The following TEX14 variants were observed in gnomAD, a reference collection of about 807,000 sequenced individuals.
TEX14 encodes testis expressed 14, intercellular bridge forming factor.
In TEX14, 168 loss-of-function variants were observed where a neutral mutation model predicts 178.6. The ratio of observed to expected loss-of-function variants is 0.94; its 90% CI spans 0.83 to 1.07. The LOEUF is 1.07. TEX14 is among the 50% of genes least tolerant of loss of function. The pLI, the probability that TEX14 is intolerant of heterozygous loss-of-function variation, is 0.00. For synonymous variants in TEX14, 626 were observed against 634.1 expected (o/e 0.99, Z 0.19); for missense variants, 1,730 against 1,753.6 (o/e 0.99, Z 0.24).
intron 1 of TEX14, among the ~76,000 whole-genome samples, chr17:58,666,250 A>C (rs1309959472): frequency 6.6e-6 from 1 of 151,912 alleles, no homozygotes; most frequent in Non-Finnish European, 1.5e-5. Context: ...AGGGAAGCTG[A>C]GACACGAGAA....
chr17:58,638,188 T>C (rs1185377234), intron 2 of TEX14, among the ~76,000 whole-genome samples: 1 of 152,116 alleles, frequency 6.6e-6, no homozygotes. Context: ...AGGTATTTTA[T>C]CAAAGCATTG....
intron 2 of TEX14, among the ~76,000 whole-genome samples, chr17:58,649,461 C>T (rs139328974): frequency 6.6e-5 from 10 of 152,212 alleles, no homozygotes; most frequent in African/African-American, 2.2e-4. Context: ...GAGAATTTAT[C>T]GCCCCTTATT....
intron 15 of TEX14, among the ~76,000 whole-genome samples, chr17:58,593,266 A>G (rs2045200961): frequency 6.6e-6 from 1 of 152,192 alleles, no homozygotes; most frequent in Non-Finnish European, 1.5e-5. Flanking sequence ...GTTTGTTTTT[A>G]TAAGAAAAAC....
chr17:58,598,826 T>C (rs2045356238), intron 14 of TEX14, 50 bp downstream of exon 14: 16 of 1,494,186 alleles, frequency 1.1e-5, no homozygotes, highest in Non-Finnish European at 1.3e-5. Flanking sequence ...GCCACAACCA[T>C]TTCTTTTCCT....
chr17:58,646,245 G>A (rs1387119203), intron 2 of TEX14, among the ~76,000 whole-genome samples: 1 of 152,094 alleles, frequency 6.6e-6, no homozygotes, highest in Non-Finnish European at 1.5e-5. Flanking sequence ...CACAAAAGAA[G>A]GCAGGAAAGA....
intron 1 of TEX14, among the ~76,000 whole-genome samples, chr17:58,682,670 G>A (rs749160577): frequency 2.0e-4 from 30 of 152,128 alleles, no homozygotes; most frequent in African/African-American, 2.7e-4. Flanking sequence ...CACCATGCCC[G>A]GCTGCCCAGC....
rs1430370333 is a variant in TEX14 at position 58,679,251 on chromosome 17, G to A, written c.-2+12688C>T. ...GATGCTAAATTGTTAGCTTTGAAAAGGAAAGGGCTACAAACAAGGAAAATG... is the reference window on the plus strand; with the variant it reads ...GATGCTAAATTGTTAGCTTTGAAAAAGAAAGGGCTACAAACAAGGAAAATG... On this transcript the variant is annotated intron_variant, in intron 1 of 31. Transcript: ENST00000349033. Among the ~76,000 whole-genome samples the A allele has an allele frequency of 5.9e-5, 9 of 152,256 alleles. No homozygotes were observed. The East Asian group carries it at 1.7e-3, about 29-fold the overall frequency.
chr17:58,655,640 A>C (rs982344715), intron 1 of TEX14, among the ~76,000 whole-genome samples: 1 of 152,068 alleles, frequency 6.6e-6, no homozygotes, highest in Non-Finnish European at 1.5e-5. Context: ...CTTCTTTCCC[A>C]GTCTGGATCT....
At chr17:58,605,409 G>A (rs1177406666) in intron 10 of TEX14, among the ~76,000 whole-genome samples, 1 of 152,206 alleles carries the variant, frequency 6.6e-6, no homozygotes, top group Non-Finnish European at 1.5e-5. Flanking sequence ...GGCCAGGCTC[G>A]TGGGTCTTTT....
chr17:58,667,177 G>A (rs540063056), intron 1 of TEX14, among the ~76,000 whole-genome samples: 72 of 152,248 alleles, frequency 4.7e-4, no homozygotes, highest in Non-Finnish European at 7.8e-4. Context: ...AACCACCCCG[G>A]CATCATTTCC....
intron 11 of TEX14, 60 bp downstream of exon 11, chr17:58,604,918 G>A: frequency 8.3e-6 from 13 of 1,574,216 alleles, no homozygotes; most frequent in Non-Finnish European, 1.1e-5. Context: ...CTCCTGTGGG[G>A]GGAGAAAAAT....
intron 2 of TEX14, among the ~76,000 whole-genome samples, chr17:58,649,148 C>T (rs989424586): frequency 4.7e-5 from 7 of 149,074 alleles, no homozygotes; most frequent in African/African-American, 7.5e-5. Context: ...GGCGCAATCT[C>T]GGCTCACGGC....
intron 21 of TEX14, among the ~76,000 whole-genome samples, chr17:58,576,618 C>CAG (rs1415684916): frequency 3.3e-5 from 5 of 152,208 alleles, no homozygotes; most frequent in African/African-American, 1.2e-4. Flanking sequence ...AGTCAAGATA[C>CAG]AGAACATTTC....
In TEX14 at chr17:58,630,523, G is replaced by C. The variant is rs757385416; in HGVS notation, c.168C>G (p.Gly56=). Residue 56 remains glycine, a synonymous_variant, in exon 3 of 32, where the codon GGC becomes GGG. Coordinates refer to ENST00000349033, the MANE Select transcript of TEX14 (RefSeq NM_031272.5). ...ACGCCGCAACAAAAAGTGCTGTTTGGCCCAAGGAGTTAACTGCATCAACAT... is the reference window on the plus strand; with the variant it reads ...ACGCCGCAACAAAAAGTGCTGTTTGCCCCAAGGAGTTAACTGCATCAACAT... The part of the protein sequence containing the change: ...GIYVDAVNSL[G]QTALFVAALL... 36 of 1,613,796 alleles carry C rather than the reference G, an allele frequency of 2.2e-5. 1 individual carries two copies. Among genetic ancestry groups the C allele is most frequent in the South Asian group, 1.5e-4 (14 of 91,074 alleles).
intron 14 of TEX14, among the ~76,000 whole-genome samples, chr17:58,597,577 C>T (rs1029076648): frequency 6.6e-6 from 1 of 152,106 alleles, no homozygotes; most frequent in African/African-American, 2.4e-5. Flanking sequence ...CCACCCCACC[C>T]GCATCTTGAC....
chr17:58,557,416 G>A (rs1440465730), intron 31 of TEX14, among the ~76,000 whole-genome samples: 2 of 151,950 alleles, frequency 1.3e-5, no homozygotes, highest in African/African-American at 4.8e-5. Flanking sequence ...GATTACAGGT[G>A]CCTGCCACCA....
At chr17:58,592,470 G>A (rs975981803) in intron 15 of TEX14, among the ~76,000 whole-genome samples, 7 of 152,080 alleles carry the variant, frequency 4.6e-5, no homozygotes, top group Admixed American at 2.6e-4. Context: ...GAGTAGCTGG[G>A]ACTATAGGCG....
chr17:58,628,340 A>C (rs2144568932), intron 3 of TEX14, among the ~76,000 whole-genome samples: 1 of 152,248 alleles, frequency 6.6e-6, no homozygotes, highest in African/African-American at 2.4e-5. Context: ...GCACTTTGGG[A>C]GACTGAGGCG....
chr17:58,675,427 G>A (rs1391604806), intron 1 of TEX14: 1 of 154,752 alleles, frequency 6.5e-6, no homozygotes, highest in East Asian at 1.9e-4. Flanking sequence ...GCATTTTGAA[G>A]TGAGAGGAGA....
Sources: gnomAD v4.1 joint callset for allele counts (sites outside exome capture counted in the v4.1 genomes callset) on GRCh38, gnomAD v4.1.1 for gene constraint, MANE v1.5 for transcripts, NCBI Gene and HGNC (gene_info 2026-07-23, HGNC 2026-07-21) for gene names.